The following EIPR1 variants were observed in gnomAD, a reference collection of about 807,000 sequenced individuals.
EIPR1 encodes the protein EARP and GARP complex-interacting protein 1.
In EIPR1, 25 loss-of-function variants were observed where a neutral mutation model predicts 48.1. The observed-to-expected ratio is 0.52, with a 90% CI of 0.38 to 0.73. The LOEUF (loss-of-function observed/expected upper bound fraction) is 0.73, where lower values mean the gene tolerates loss of function less well. Among genes scored for constraint, EIPR1 ranks in the 30% least tolerant of loss-of-function variants. The pLI is 0.00. For synonymous variants in EIPR1, 204 were observed against 201.9 expected (o/e 1.01, Z -0.09); for missense variants, 415 against 506.2 (o/e 0.82, Z 1.73).
At chr2:3,275,132 A>T (rs1037535697) in intron 3 of EIPR1, among the ~76,000 whole-genome samples, 9 of 152,222 alleles carry the variant, frequency 5.9e-5, no homozygotes, top group Admixed American at 3.3e-4. Context: ...TGTTAGACTG[A>T]ATTTTTTAAA....
chr2:3,320,788 AGCAGATACACT>A (rs1243300076), intron 3 of EIPR1, among the ~76,000 whole-genome samples: 2 of 152,242 alleles, frequency 1.3e-5, no homozygotes, highest in African/African-American at 4.8e-5. Context: ...TTGTTAATTC[AGCAGATACACT>A]CAACTTCAGA....
chr2:3,305,372 A>G (rs1172057308), intron 3 of EIPR1, among the ~76,000 whole-genome samples: 2 of 131,746 alleles, frequency 1.5e-5, no homozygotes, highest in African/African-American at 6.0e-5. Context: ...CAGTCCCATC[A>G]GTTCAGCCCT....
intron 5 of EIPR1, chr2:3,208,983 A>C: frequency 6.8e-7 from 1 of 1,465,152 alleles, no homozygotes; most frequent in Middle Eastern, 1.8e-4. Context: ...AAGAGCTCTC[A>C]TATTATCAAG....
chr2:3,205,512 T>C (rs1392103607), intron 5 of EIPR1, among the ~76,000 whole-genome samples: 1 of 152,256 alleles, frequency 6.6e-6, no homozygotes, highest in African/African-American at 2.4e-5. Flanking sequence ...GCCTTCATGC[T>C]GTGGAGACAC....
chr2:3,278,238 T>C (rs530297333), intron 3 of EIPR1, among the ~76,000 whole-genome samples: 44 of 152,240 alleles, frequency 2.9e-4, no homozygotes, highest in African/African-American at 9.9e-4. Flanking sequence ...AAAGGCCACC[T>C]GCATCCCTGC....
chr2:3,362,394 C>T (rs1670872593), intron 1 of EIPR1, among the ~76,000 whole-genome samples: 1 of 152,206 alleles, frequency 6.6e-6, no homozygotes, highest in African/African-American at 2.4e-5. Flanking sequence ...CCCCACCCTC[C>T]TCTCCCCATT....
chr2:3,257,769 A>C (rs1572364421), intron 3 of EIPR1, among the ~76,000 whole-genome samples: 1 of 152,224 alleles, frequency 6.6e-6, no homozygotes, highest in African/African-American at 2.4e-5. Flanking sequence ...TCTTCAAAAA[A>C]GGGAGCAAAA....
At chr2:3,211,476 C>T (rs1353313021) in intron 5 of EIPR1, among the ~76,000 whole-genome samples, 4 of 152,296 alleles carry the variant, frequency 2.6e-5, no homozygotes, top group East Asian at 1.9e-4. Context: ...AAAACACAAA[C>T]GCTATTTGCA....
chr2:3,243,146 T>A (rs1457190076), intron 4 of EIPR1, among the ~76,000 whole-genome samples: 1 of 152,176 alleles, frequency 6.6e-6, no homozygotes, highest in African/African-American at 2.4e-5. Flanking sequence ...TATAGCTCCA[T>A]CAACCAAATA....
chr2:3,303,012 G>A (rs1172834899), intron 3 of EIPR1, among the ~76,000 whole-genome samples: 1 of 152,180 alleles, frequency 6.6e-6, no homozygotes, highest in Non-Finnish European at 1.5e-5. Flanking sequence ...AAGAGTTGTG[G>A]AGATTAAATA....
intron 1 of EIPR1, among the ~76,000 whole-genome samples, chr2:3,373,816 T>C (rs1338862529): frequency 2.0e-5 from 3 of 151,442 alleles, no homozygotes; most frequent in African/African-American, 7.3e-5. Flanking sequence ...AGGTAATTTA[T>C]AGATTCAATG....
At chr2:3,228,648 T>C (rs570885907) in intron 4 of EIPR1, among the ~76,000 whole-genome samples, 9 of 152,278 alleles carry the variant, frequency 5.9e-5, no homozygotes, top group African/African-American at 2.2e-4. Context: ...CCAAATTTCA[T>C]CCTGGATTAT....
At chr2:3,268,356 A>T (rs927808498) in intron 3 of EIPR1, among the ~76,000 whole-genome samples, 15 of 151,942 alleles carry the variant, frequency 9.9e-5, no homozygotes, top group African/African-American at 3.4e-4. Context: ...CCCACTCCCC[A>T]CCTGCACTCC....
intron 1 of EIPR1, among the ~76,000 whole-genome samples, chr2:3,355,197 A>G (rs192560787): frequency 9.4e-4 from 143 of 152,332 alleles, no homozygotes; most frequent in Admixed American, 2.2e-3. Flanking sequence ...CAGTCTGGAA[A>G]GCCTGGCTGA....
intron 4 of EIPR1, among the ~76,000 whole-genome samples, chr2:3,219,881 C>T (rs1398673784): frequency 6.6e-6 from 1 of 152,182 alleles, no homozygotes; most frequent in East Asian, 1.9e-4. Context: ...AGTTCCCAAC[C>T]CCCAGACTGT....
At chr2:3,304,989 A>G (rs1328004485) in intron 3 of EIPR1, among the ~76,000 whole-genome samples, 108 of 53,510 alleles carry the variant, frequency 2.0e-3, no homozygotes, top group Middle Eastern at 0.018. Flanking sequence ...GTCCAGTTCA[A>G]CCCTCCACTC....
intron 4 of EIPR1, among the ~76,000 whole-genome samples, chr2:3,245,404 G>A (rs1666765846): frequency 6.6e-6 from 1 of 152,110 alleles, no homozygotes; most frequent in Non-Finnish European, 1.5e-5. Flanking sequence ...GTAGGGACAG[G>A]ATTTTGCCAT....
At chr2:3,314,357 C>T (rs1669220592) in intron 3 of EIPR1, among the ~76,000 whole-genome samples, 1 of 152,160 alleles carries the variant, frequency 6.6e-6, no homozygotes, top group Admixed American at 6.5e-5. Context: ...ATACAGCAGG[C>T]TTCACAGTCC....
intron 1 of EIPR1, among the ~76,000 whole-genome samples, chr2:3,369,899 G>A (rs1047801808): frequency 5.3e-5 from 8 of 152,128 alleles, no homozygotes; most frequent in Non-Finnish European, 1.0e-4. Context: ...CTCCCAGCAC[G>A]CAGCTGGAGA....
Sources: allele counts gnomAD v4.1 joint callset (sites outside exome capture counted in the v4.1 genomes callset), GRCh38; gene constraint gnomAD v4.1.1; transcripts MANE v1.5; gene names NCBI Gene and HGNC (gene_info 2026-07-23, HGNC 2026-07-21).